CLINT1: variants seen among roughly 807,000 people sequenced by gnomAD.
The protein encoded by CLINT1 is clathrin interacting protein localized in the trans-Golgi region.
CLINT1 carries 15 observed loss-of-function variants against 70.4 expected under a neutral mutation model. That is an observed-to-expected ratio of 0.21 (90% CI 0.14 to 0.33). The LOEUF is 0.33. Ranked by LOEUF, CLINT1 falls within the 10% of genes least tolerant of loss-of-function variation. The pLI is 1.00. For missense variants in CLINT1, 615 were observed against 778.1 expected, an observed-to-expected ratio of 0.79 and a Z score of 2.49; for synonymous variants, 227 against 254.7, an observed-to-expected ratio of 0.89 and a Z score of 1.04.
intron 1 of CLINT1, among the ~76,000 whole-genome samples, chr5:157,835,701 AAAAT>A (rs1215358611): frequency 2.0e-5 from 3 of 152,316 alleles, no homozygotes; most frequent in Middle Eastern, 3.4e-3. Context: ...CAAGGGAACT[AAAAT>A]AAACACCCTC....
At chr5:157,846,347 G>A (rs376932659) in intron 1 of CLINT1, among the ~76,000 whole-genome samples, 19 of 151,722 alleles carry the variant, frequency 1.3e-4, no homozygotes, top group African/African-American at 4.6e-4. Flanking sequence ...TATGGAGAAA[G>A]TTTGAGTGGT....
intron 5 of CLINT1, among the ~76,000 whole-genome samples, chr5:157,810,711 G>A (rs1762528342): frequency 6.6e-6 from 1 of 152,198 alleles, no homozygotes; most frequent in South Asian, 2.1e-4. Context: ...AGAAGGTACA[G>A]AGAGCACGTG....
At chr5:157,811,616 A>G (rs2113200208) in intron 5 of CLINT1, among the ~76,000 whole-genome samples, 1 of 152,320 alleles carries the variant, frequency 6.6e-6, no homozygotes, top group East Asian at 1.9e-4. Flanking sequence ...ACCATGAACA[A>G]TAACTTAGCA....
rs533108874 is a variant in CLINT1, at chr5:157,850,679, T to A, written c.41+8251A>T. Among the ~76,000 whole-genome samples, 8 of 150,462 alleles carry A rather than the reference T, an allele frequency of 5.3e-5. No individual in the cohort carries two copies. In the East Asian group the frequency reaches 1.6e-3, roughly 29 times the overall value. ...GGGTTTAACTACAAATTAAGACATG[T>A]AGTTTCAACCGTATAACCTAAGTCA... is the stretch of plus-strand genomic sequence containing the variant. On this transcript the variant is annotated intron_variant, in intron 1 of 11. Transcript: ENST00000411809.
chr5:157,858,974 G>A lies in CLINT1; in HGVS notation c.-4C>T. 6.2e-7 allele frequency: 1 copy of A among 1,609,792 alleles called. No individual in the cohort carries two copies. The highest frequency in any genetic ancestry group is 8.5e-7 in the Non-Finnish European group (1 of 1,178,552). On this transcript the variant is annotated 5_prime_UTR_variant, in exon 1 of 12. Transcript: ENST00000411809. ...GCACCTTCCACATGTTCAACATCGT[G>A]CCCCGCGCGGGACGGTCCGCCGCCT...
At chr5:157,854,841 T>C (rs890780792) in intron 1 of CLINT1, among the ~76,000 whole-genome samples, 1 of 151,976 alleles carries the variant, frequency 6.6e-6, no homozygotes, top group Non-Finnish European at 1.5e-5. Flanking sequence ...TTTGAATCAC[T>C]ATCAAAAAAA....
At chr5:157,823,113 A>C (rs560933469) in intron 1 of CLINT1, among the ~76,000 whole-genome samples, 6 of 152,302 alleles carry the variant, frequency 3.9e-5, no homozygotes, top group Admixed American at 3.9e-4. Flanking sequence ...TCCTGAGATC[A>C]GGCAATCTTT....
intron 1 of CLINT1, among the ~76,000 whole-genome samples, chr5:157,856,225 AC>A (rs1182573961): frequency 6.6e-6 from 1 of 152,160 alleles, no homozygotes; most frequent in East Asian, 1.9e-4. Context: ...TATTGTAAAA[AC>A]TAGTTCCAAC....
At chr5:157,809,307 C>T (rs1429531858) in intron 6 of CLINT1, 4 of 210,678 alleles carry the variant, frequency 1.9e-5, no homozygotes, top group African/African-American at 7.0e-5. Flanking sequence ...ATAGGAAACC[C>T]CAACGTAAAC....
intron 1 of CLINT1, among the ~76,000 whole-genome samples, chr5:157,837,662 T>TTTTTA (rs1763473285): frequency 6.6e-6 from 1 of 151,378 alleles, no homozygotes; most frequent in African/African-American, 2.4e-5. Flanking sequence ...TTTTTTTTTT[T>TTTTTA]GAGACGGAGT....
chr5:157,823,210 A>C (rs1391887105), intron 1 of CLINT1, among the ~76,000 whole-genome samples: 2 of 152,226 alleles, frequency 1.3e-5, no homozygotes, highest in Non-Finnish European at 2.9e-5. Context: ...ACATCTGGAG[A>C]CAGAAATAAA....
chr5:157,811,438 C>T (rs1762554546), intron 5 of CLINT1, among the ~76,000 whole-genome samples: 1 of 149,864 alleles, frequency 6.7e-6, no homozygotes, highest in African/African-American at 2.5e-5. Flanking sequence ...GAGGATGAGG[C>T]AGGAGAATCA....
rs1716625042 is a variant in CLINT1, at chr5:157,785,814, G to T, written c.*1832C>A. 1 of 152,128 alleles carries T rather than the reference G, an allele frequency of 6.6e-6. No homozygotes were observed. Among genetic ancestry groups the T allele is most frequent in the Admixed American group, 6.5e-5 (1 of 15,270 alleles). 9.4% of individuals were successfully genotyped at this position (152,128 alleles called of 1,614,324 possible). ...AGAAAGTGAAGATATACTTCTTAAA[G>T]AAAAAATTTACTTAAGATGATCGGT... On this transcript the variant is annotated 3_prime_UTR_variant, in exon 12 of 12. Coordinates refer to ENST00000411809, the MANE Select transcript of CLINT1 (RefSeq NM_014666.4).
chr5:157,831,151 A>G (rs1256542459), intron 1 of CLINT1, among the ~76,000 whole-genome samples: 2 of 150,444 alleles, frequency 1.3e-5, no homozygotes, highest in Non-Finnish European at 3.0e-5. Context: ...TCATTTAATA[A>G]CCTTATGTTA....
chr5:157,830,831 C>T (rs1243159430), intron 1 of CLINT1, among the ~76,000 whole-genome samples: 1 of 137,416 alleles, frequency 7.3e-6, no homozygotes, highest in Non-Finnish European at 1.5e-5. Flanking sequence ...CACATTTAAG[C>T]CTGGGCAACA....
chr5:157,820,588 T>C (rs560441661), intron 1 of CLINT1, among the ~76,000 whole-genome samples: 38 of 152,338 alleles, frequency 2.5e-4, no homozygotes, highest in African/African-American at 8.9e-4. Flanking sequence ...TTTGGCCTTA[T>C]TCCAGGTCAT....
At chr5:157,837,298 A>T (rs1763455089) in intron 1 of CLINT1, among the ~76,000 whole-genome samples, 1 of 152,154 alleles carries the variant, frequency 6.6e-6, no homozygotes, top group African/African-American at 2.4e-5. Context: ...GCTACATGGG[A>T]GGTTGAGGTC....
chr5:157,812,070 T>C (rs754320606), intron 5 of CLINT1, among the ~76,000 whole-genome samples: 12 of 152,178 alleles, frequency 7.9e-5, no homozygotes, highest in Non-Finnish European at 1.3e-4. Flanking sequence ...TGCTTCAATA[T>C]AAAAAAGGGA....
Position 157,786,773 on chromosome 5 carries a change from A to T in CLINT1, c.*873T>A, listed in dbSNP as rs1406829939. 6.6e-6 allele frequency: 1 copy of T among 152,416 alleles called. No individual in the cohort carries two copies. Among genetic ancestry groups the T allele is most frequent in the African/African-American group, 2.4e-5 (1 of 41,446 alleles). 9.4% of individuals were successfully genotyped at this position (152,416 alleles called of 1,614,324 possible). ...TTTTACCTTTGCAGACACCCAAAAA[A>T]AAAATAAAATAAATATTTTTCTGAC... On this transcript the variant is annotated 3_prime_UTR_variant, in exon 12 of 12. Coordinates refer to ENST00000411809, the MANE Select transcript of CLINT1 (RefSeq NM_014666.4).
Sources: allele counts gnomAD v4.1 joint callset (sites outside exome capture counted in the v4.1 genomes callset), GRCh38; gene constraint gnomAD v4.1.1; transcripts MANE v1.5; gene names NCBI Gene and HGNC (gene_info 2026-07-23, HGNC 2026-07-21).